PPFIA2: variants seen among roughly 807,000 people sequenced by gnomAD.
The protein encoded by PPFIA2 is liprin-alpha-2.
In PPFIA2, 46 loss-of-function variants were observed where a neutral mutation model predicts 175.5. That is an observed-to-expected ratio of 0.26 (90% CI 0.21 to 0.34). The LOEUF (loss-of-function observed/expected upper bound fraction) is 0.34, where lower values mean the gene tolerates loss of function less well. Among genes scored for constraint, PPFIA2 ranks in the 10% least tolerant of loss-of-function variants. The pLI is 1.00. For missense variants in PPFIA2, 1,179 were observed against 1,506.1 expected (o/e 0.78, Z 3.60); for synonymous variants, 568 against 511.4 (o/e 1.11, Z -1.49).
At chr12:81,551,916 A>G (rs949808211) in intron 4 of PPFIA2, among the ~76,000 whole-genome samples, 3 of 151,786 alleles carry the variant, frequency 2.0e-5, no homozygotes, top group African/African-American at 7.2e-5. Context: ...TAATTACTTT[A>G]ATTTCTCTCT....
chr12:81,583,185 C>G (rs2074676536), intron 4 of PPFIA2, among the ~76,000 whole-genome samples: 1 of 151,824 alleles, frequency 6.6e-6, no homozygotes. Flanking sequence ...CATCTATTAT[C>G]CCCCAAAAAG....
chr12:81,675,619 T>G (rs2072357261), intron 4 of PPFIA2: 1 of 152,040 alleles, frequency 6.6e-6, no homozygotes. Context: ...GTAGATCTAC[T>G]TTTCTGATGT....
At chr12:81,728,897 T>C (rs1429815717) in intron 3 of PPFIA2, among the ~76,000 whole-genome samples, 2 of 151,406 alleles carry the variant, frequency 1.3e-5, no homozygotes, top group Non-Finnish European at 3.0e-5. Flanking sequence ...GATGGGTAAA[T>C]GGGATGGAGG....
chr12:81,605,437 G>A (rs1311587260), intron 4 of PPFIA2, among the ~76,000 whole-genome samples: 1 of 151,568 alleles, frequency 6.6e-6, no homozygotes, highest in Non-Finnish European at 1.5e-5. Flanking sequence ...GAGAGGAGGC[G>A]AGGGGAGGAA....
chr12:81,481,532 A>G (rs2058225502), intron 4 of PPFIA2, among the ~76,000 whole-genome samples: 1 of 152,192 alleles, frequency 6.6e-6, no homozygotes, highest in Admixed American at 6.5e-5. Flanking sequence ...TGGTACTGGT[A>G]CCAAAAAAAA....
chr12:81,265,930 T>G (rs146629063), intron 30 of PPFIA2, among the ~76,000 whole-genome samples: 186 of 152,358 alleles, frequency 1.2e-3, no homozygotes, highest in African/African-American at 4.3e-3. Context: ...TTTAAAAGAC[T>G]GTCATGCAAC....
chr12:81,298,153 T>C (rs1227182485), intron 23 of PPFIA2: 1 of 152,192 alleles, frequency 6.6e-6, no homozygotes, highest in African/African-American at 2.4e-5. Context: ...AGAACTGCTA[T>C]CATTTCTGAG....
intron 4 of PPFIA2, among the ~76,000 whole-genome samples, chr12:81,654,820 T>C (rs1231795598): frequency 2.0e-5 from 3 of 152,106 alleles, no homozygotes; most frequent in Non-Finnish European, 4.4e-5. Flanking sequence ...AGAAAATGAA[T>C]ACACCTAATA....
intron 4 of PPFIA2, among the ~76,000 whole-genome samples, chr12:81,596,730 GA>G (rs1328022728): frequency 1.3e-5 from 2 of 151,836 alleles, no homozygotes; most frequent in Admixed American, 6.6e-5. Flanking sequence ...GTACAGAGGA[GA>G]AAAAAAAGTA....
At chr12:81,577,015 A>G (rs770672340) in intron 4 of PPFIA2, among the ~76,000 whole-genome samples, 6 of 151,858 alleles carry the variant, frequency 4.0e-5, no homozygotes, top group Admixed American at 2.0e-4. Flanking sequence ...TGAGCTGTAG[A>G]GATAAGAAAA....
intron 4 of PPFIA2, among the ~76,000 whole-genome samples, chr12:81,674,397 T>G (rs1370508127): frequency 1.3e-5 from 2 of 152,174 alleles, no homozygotes; most frequent in Admixed American, 1.3e-4. Flanking sequence ...TAAAATGACA[T>G]TTTTTAGAGA....
At chr12:81,485,965 T>G (rs2058762354) in intron 4 of PPFIA2, among the ~76,000 whole-genome samples, 1 of 151,906 alleles carries the variant, frequency 6.6e-6, no homozygotes, top group Non-Finnish European at 1.5e-5. Context: ...CCAGCATATA[T>G]GAGGTCATTC....
rs372869301 is a variant in PPFIA2 at position 81,263,396 on chromosome 12, A to G, written c.3556-6T>C. The stretch of plus-strand genomic sequence containing the variant: ...CTGAAGTTCTTGTCATCACTCTGCC[A>G]GTACAGTTATAAGGTGATGTTATGA... On this transcript the variant is annotated splice_polypyrimidine_tract_variant and splice_region_variant and intron_variant, in intron 30 of 32. Transcript: ENST00000549396. 2 of 1,611,636 alleles carry G rather than the reference A, an allele frequency of 1.2e-6. No individual in the cohort carries two copies. Among genetic ancestry groups the G allele is most frequent in the South Asian group, 2.2e-5 (2 of 90,980 alleles).
intron 8 of PPFIA2, among the ~76,000 whole-genome samples, chr12:81,401,726 A>G (rs1300959542): frequency 1.3e-5 from 2 of 152,186 alleles, no homozygotes; most frequent in African/African-American, 2.4e-5. Context: ...AATGAGCATT[A>G]TTATAAACTT....
intron 9 of PPFIA2, among the ~76,000 whole-genome samples, chr12:81,380,853 C>T (rs981897835): frequency 6.6e-6 from 1 of 151,854 alleles, no homozygotes; most frequent in East Asian, 1.9e-4. Context: ...TGTAATACAC[C>T]CGTAATAGTT....
chr12:81,373,679 T>G (rs1206192059), intron 11 of PPFIA2, among the ~76,000 whole-genome samples: 1 of 151,966 alleles, frequency 6.6e-6, no homozygotes, highest in African/African-American at 2.4e-5. Flanking sequence ...AACAGGAAGA[T>G]CAGTCCACTG....
At position 81,341,109 on chromosome 12, in the gene PPFIA2, G is replaced by A; in HGVS notation, c.2362C>T (p.Leu788Phe). The change falls in exon 20 of 33, where the codon CTC becomes TTC. Residue 788 changes from leucine (L) to phenylalanine (F), a missense_variant. Around this residue, in one of 10 missense-constraint regions of PPFIA2, gnomAD observed 223 missense variants for 241.6 expected, o/e 0.92. Transcript: ENST00000549396. Reference sequence around the variant, plus strand: ...GCATCATTGTGGTAGGAAGAAGGGAGAGTGTGAGTCATTCTGAGGGCTCTA... The same window carrying A: ...GCATCATTGTGGTAGGAAGAAGGGAAAGTGTGAGTCATTCTGAGGGCTCTA... ...TPRALRMTHTLPSSYHNDARS... is the reference protein window; with the variant it reads ...TPRALRMTHTFPSSYHNDARS... 1 of 1,611,016 alleles carries A rather than the reference G, an allele frequency of 6.2e-7. No homozygotes were observed. The highest frequency in any genetic ancestry group is 8.5e-7 in the Non-Finnish European group (1 of 1,177,570).
rs35297606 is a variant in PPFIA2, at chr12:81,509,602, C to CT, written c.304-51737dup. ...TCTGAACCTGCTCACTCCACCTAAC[C>CT]TTTTTTTTTTTTTTGCTCTTGATTC... On this transcript the variant is annotated intron_variant, in intron 4 of 32. Coordinates refer to ENST00000549396, the MANE Select transcript of PPFIA2 (RefSeq NM_003625.5). 3.8e-3 allele frequency among the ~76,000 whole-genome samples: 538 copies of CT among 142,268 alleles called. 2 individuals carry two copies. The highest frequency in any genetic ancestry group is 7.2e-3 in the Middle Eastern group (2 of 278). The allele number at this position is 142,268 out of a possible 152,430, so 93.3% of individuals were successfully genotyped here. A position where few individuals can be genotyped will look rare whatever the true frequency, so the allele number is the denominator to read the frequency against.
intron 8 of PPFIA2, among the ~76,000 whole-genome samples, chr12:81,395,550 TTCTC>T (rs60253802): frequency 1.3e-5 from 2 of 150,686 alleles, no homozygotes; most frequent in Non-Finnish European, 3.0e-5. Flanking sequence ...TCTCCTCCCT[TTCTC>T]TCTCTCTCTC....
Sources: gnomAD v4.1 joint callset for allele counts (sites outside exome capture counted in the v4.1 genomes callset) on GRCh38, gnomAD v4.1.1 for gene constraint, gnomAD v4.1.1 regional missense constraint, MANE v1.5 for transcripts, NCBI Gene and HGNC (gene_info 2026-07-23, HGNC 2026-07-21) for gene names.